KLHDC7B: variants seen among roughly 807,000 people sequenced by gnomAD.
KLHDC7B encodes the protein kelch domain-containing protein 7B.
Under a neutral mutation model 0.6 loss-of-function variants are expected in KLHDC7B, and 1 was observed. That is an observed-to-expected ratio of 1.71 (90% confidence interval 0.61 to 8.11). KLHDC7B has a LOEUF of 8.11. KLHDC7B is among the 30% of genes most tolerant of loss of function. KLHDC7B has a pLI of 0.13. For missense variants in KLHDC7B, 993 were observed against 894.9 expected, an observed-to-expected ratio of 1.11 and a Z score of -1.40; for synonymous variants, 462 against 405.2, an observed-to-expected ratio of 1.14 and a Z score of -1.68.
In KLHDC7B at chr22:50,550,203, A is replaced by T. The variant is rs1326247264; in HGVS notation, c.*252A>T. 2 of 460,070 alleles carry T rather than the reference A, an allele frequency of 4.3e-6. No homozygotes were observed. The highest frequency in any genetic ancestry group is 2.0e-5 in the African/African-American group (1 of 49,806). The allele number at this position is 460,070 out of a possible 1,614,324, so 28.5% of individuals were successfully genotyped here. A position where few individuals can be genotyped will look rare whatever the true frequency, so the allele number is the denominator to read the frequency against. ...TCCGTACCTACTTACAGACCCTCTC[A>T]GCTTGCTGACACCCCCCTGTCTGTG... On this transcript the variant is annotated 3_prime_UTR_variant, in exon 1 of 1. Transcript: ENST00000648057.
Position 50,547,436 on chromosome 22 carries a change from C to A in KLHDC7B, c.1193C>A (p.Ala398Glu). The A allele has an allele frequency of 5.4e-6, 2 of 372,076 alleles. No homozygotes were observed. The highest frequency in any genetic ancestry group is 9.2e-5 in the Admixed American group (2 of 21,736). 23.0% of individuals were successfully genotyped at this position (372,076 alleles called of 1,614,324 possible). Residue 398 changes from alanine to glutamate, a missense_variant, in exon 1 of 1, where the codon GCA becomes GAA. By Grantham distance (107) the Ala-to-Glu change is moderately radical. Coordinates refer to ENST00000648057, the MANE Select transcript of KLHDC7B (RefSeq NM_138433.5). ...GGGCCCACCCGGCCCCCGGAGCAAG[C>A]AAAGCCGGCTGCAGCCGGCCACAGC... ...DLGPTRPPEQ[A>E]KPAAAGHSRA...
rs1455025046 is a variant in KLHDC7B at position 50,546,524 on chromosome 22, G to C, written c.281G>C (p.Gly94Ala). Reference sequence around the variant, plus strand: ...AGCGAGGGGCAGAGCCCAGGGCAGGGGAAACCAGAGCCCCCAGGACGCGGC... The same window carrying C: ...AGCGAGGGGCAGAGCCCAGGGCAGGCGAAACCAGAGCCCCCAGGACGCGGC... ...DGSEGQSPGQ[G>A]KPEPPGRGQQ... is the part of the protein sequence containing the mutation. Residue 94 changes from glycine (G) to alanine (A), a missense_variant, in exon 1 of 1, where the codon GGG becomes GCG. Coordinates refer to ENST00000648057, the MANE Select transcript of KLHDC7B (RefSeq NM_138433.5). The C allele has an allele frequency of 5.0e-6, 2 of 399,022 alleles. No individual in the cohort carries two copies. The highest frequency in any genetic ancestry group is 8.8e-6 in the Non-Finnish European group (2 of 226,174). The allele number at this position is 399,022 out of a possible 1,614,324, so 24.7% of individuals were successfully genotyped here.
Position 50,549,081 on chromosome 22 carries a change from C to T in KLHDC7B, c.2838C>T (p.Gly946=), listed in dbSNP as rs1411138696. ...GRSGLPRGPR[G]EEPPAAAPVS... ...CAGGGCTCCCCAGGGGCCCTCGTGG[C>T]GAGGAGCCTCCTGCGGCGGCCCCTG... The change falls in exon 1 of 1, where the codon GGC becomes GGT. Residue 946 remains glycine (G), a synonymous_variant. Coordinates refer to ENST00000648057, the MANE Select transcript of KLHDC7B (RefSeq NM_138433.5). 3 of 1,600,212 alleles carry T rather than the reference C, an allele frequency of 1.9e-6. No homozygotes were observed. The highest frequency in any genetic ancestry group is 2.2e-5 in the East Asian group (1 of 44,850).
Position 50,548,744 on chromosome 22 carries a change from G to T in KLHDC7B, c.2501G>T (p.Gly834Val). 1 of 1,459,070 alleles carries T rather than the reference G, an allele frequency of 6.9e-7. No individual in the cohort carries two copies. The allele number at this position is 1,459,070 out of a possible 1,614,324, so 90.4% of individuals were successfully genotyped here. ...TTTCTGCAGAGGCCCGGGGGTTGGGGGGTGGTGGAGGGGCCCCGGAAGCCC... is the reference window on the plus strand; with the variant it reads ...TTTCTGCAGAGGCCCGGGGGTTGGGTGGTGGTGGAGGGGCCCCGGAAGCCC... The part of the protein sequence containing the change: ...MVFLQRPGGW[G>V]VVEGPRKPSS... Residue 834 changes from glycine (G) to valine (V), a missense_variant, in exon 1 of 1, where the codon GGG (glycine) becomes GTG (valine). Coordinates refer to ENST00000648057, the MANE Select transcript of KLHDC7B (RefSeq NM_138433.5). The surrounding 1 kb of genome is among the most constrained non-coding windows in gnomAD (Gnocchi z 5.3).
rs373901626 is a variant in KLHDC7B, at chr22:50,548,684, C to A, written c.2441C>A (p.Thr814Lys). The A allele has an allele frequency of 1.3e-6, 2 of 1,520,648 alleles. No homozygotes were observed. Among genetic ancestry groups the A allele is most frequent in the South Asian group, 2.5e-5 (2 of 80,742 alleles). 94.2% of individuals were successfully genotyped at this position (1,520,648 alleles called of 1,614,324 possible). A position where few individuals can be genotyped will look rare whatever the true frequency, so the allele number is the denominator to read the frequency against. ...CCTGCCGGCCGCAGCGGGGCGCTCA[C>A]GGAAAAGCAGGAGGAGGCCCGGAAG... ...GSPAGRSGAL[T>K]EKQEEARKLM... Residue 814 changes from threonine (T) to lysine (K), a missense_variant, in exon 1 of 1, where the codon ACG becomes AAG. Physicochemically the swap from Thr to Lys is moderately conservative, Grantham distance 78 (BLOSUM62 -1). Coordinates refer to ENST00000648057, the MANE Select transcript of KLHDC7B (RefSeq NM_138433.5). This position sits in a 1 kb window ranked among gnomAD's most constrained non-coding sequence, Gnocchi z 5.3.
In KLHDC7B at chr22:50,548,916, G is replaced by A. The variant is rs2069768412; in HGVS notation, c.2673G>A (p.Leu891=). Residue 891 remains leucine (L), a synonymous_variant, in exon 1 of 1, where the codon CTG becomes CTA. Coordinates refer to ENST00000648057, the MANE Select transcript of KLHDC7B (RefSeq NM_138433.5). The surrounding 1 kb of genome is among the most constrained non-coding windows in gnomAD (Gnocchi z 5.3). ...QETYALMSDN[L]LRVLGDPCLY... is the part of the protein sequence containing the mutation. ...CCTACGCGCTGATGAGCGACAACCT[G>A]CTGCGAGTGCTGGGAGACCCGTGCC... 6.3e-7 allele frequency: 1 copy of A among 1,594,142 alleles called. No homozygotes were observed. The highest frequency in any genetic ancestry group is 8.5e-7 in the Non-Finnish European group (1 of 1,171,752).
rs922395046 is a variant in KLHDC7B, at chr22:50,546,966, A to T, written c.723A>T (p.Arg241Ser). Among the ~76,000 whole-genome samples, 6 of 151,284 alleles carry T rather than the reference A, an allele frequency of 4.0e-5. No homozygotes were observed. Among genetic ancestry groups the T allele is most frequent in the Non-Finnish European group, 8.9e-5 (6 of 67,764 alleles). Residue 241 changes from arginine (R) to serine (S), a missense_variant, in exon 1 of 1, where the codon AGA becomes AGT. Arg to Ser is a moderately radical substitution (Grantham distance 110). Coordinates refer to ENST00000648057, the MANE Select transcript of KLHDC7B (RefSeq NM_138433.5). The stretch of plus-strand genomic sequence containing the variant: ...GGATGGACGCTGGCTCGGGAGACAG[A>T]GCCCGCCGCCCCCGGAAACTGGACC... The part of the protein sequence containing the change: ...RRRMDAGSGD[R>S]ARRPRKLDPL...
rs754424798 is a variant in KLHDC7B at position 50,548,613 on chromosome 22, C to T, written c.2370C>T (p.Ala790=). The T allele has an allele frequency of 1.0e-4, 155 of 1,542,978 alleles. No individual in the cohort carries two copies. The Middle Eastern group carries it at 2.7e-3, about 27-fold the overall frequency. The change falls in exon 1 of 1, where the codon GCC becomes GCT. Residue 790 remains alanine, a synonymous_variant. Coordinates refer to ENST00000648057, the MANE Select transcript of KLHDC7B (RefSeq NM_138433.5). The surrounding 1 kb of genome is among the most constrained non-coding windows in gnomAD (Gnocchi z 5.3). ...APSSEQEVRP[A]ASGDPQGEAP... ...GCTCGGAGCAGGAGGTCAGGCCGGC[C>T]GCCTCGGGGGACCCTCAAGGGGAGG...
chr22:50,547,581 G>A lies in KLHDC7B; in HGVS notation c.1338G>A (p.Leu446=). The A allele has an allele frequency of 2.5e-6, 1 of 400,304 alleles. No homozygotes were observed. 24.8% of individuals were successfully genotyped at this position (400,304 alleles called of 1,614,324 possible). The change falls in exon 1 of 1, where the codon CTG becomes CTA. Residue 446 remains leucine, a synonymous_variant. Coordinates refer to ENST00000648057, the MANE Select transcript of KLHDC7B (RefSeq NM_138433.5). Reference sequence around the variant, plus strand: ...CCTCTCCTTCAGACTTTTTGCCCCTGGAGGTTACCCAGGATCCTTCCGTGG... The same window carrying A: ...CCTCTCCTTCAGACTTTTTGCCCCTAGAGGTTACCCAGGATCCTTCCGTGG... ...TLPSPSDFLP[L]EVTQDPSVGE...
In KLHDC7B at chr22:50,546,929, G is replaced by A. The variant is rs1355360621; in HGVS notation, c.686G>A (p.Gly229Asp). Among the ~76,000 whole-genome samples the A allele has an allele frequency of 6.6e-6, 1 of 151,906 alleles. No homozygotes were observed. The highest frequency in any genetic ancestry group is 1.9e-4 in the East Asian group (1 of 5,174). Residue 229 changes from glycine to aspartate, a missense_variant, in exon 1 of 1, where the codon GGC (glycine) becomes GAC (aspartate). Coordinates refer to ENST00000648057, the MANE Select transcript of KLHDC7B (RefSeq NM_138433.5). ...GPSGSMGRGR[G>D]RRRRMDAGSG... ...TCGGGCTCGATGGGGAGAGGCCGGGGCCGGCGGCGGCGGATGGACGCTGGC... is the reference window on the plus strand; with the variant it reads ...TCGGGCTCGATGGGGAGAGGCCGGGACCGGCGGCGGCGGATGGACGCTGGC...
Position 50,548,319 on chromosome 22 carries a change from A to G in KLHDC7B, c.2076A>G (p.Thr692=), listed in dbSNP as rs907206196. 3 of 1,550,944 alleles carry G rather than the reference A, an allele frequency of 1.9e-6. No individual in the cohort carries two copies. In the African/African-American group the frequency reaches 4.1e-5, roughly 21 times the overall value. The part of the protein sequence containing the change: ...PSSSVGTVIG[T]GTGGLVEAGG... ...CTTCAGTGGGGACAGTCATAGGGAC[A>G]GGTACAGGGGGCCTGGTTGAGGCTG... Residue 692 remains threonine (T), a synonymous_variant, in exon 1 of 1, where the codon ACA becomes ACG. Coordinates refer to ENST00000648057, the MANE Select transcript of KLHDC7B (RefSeq NM_138433.5). This position sits in a 1 kb window ranked among gnomAD's most constrained non-coding sequence, Gnocchi z 5.3.
Position 50,548,497 on chromosome 22 carries a change from A to C in KLHDC7B, c.2254A>C (p.Arg752=), listed in dbSNP as rs1423422670. The change falls in exon 1 of 1, where the codon AGG becomes CGG. Residue 752 remains arginine (R), a synonymous_variant. Transcript: ENST00000648057. This position sits in a 1 kb window ranked among gnomAD's most constrained non-coding sequence, Gnocchi z 5.3. ...GGGCCCCGCACAGCCCCCCGCGCAG[A>C]GGCCGCCTGGCCCCGCGGCCTCCTC... ...PRGPAQPPAQ[R]PPGPAASSSA... 9 of 1,561,750 alleles carry C rather than the reference A, an allele frequency of 5.8e-6. No individual in the cohort carries two copies. The highest frequency in any genetic ancestry group is 7.8e-6 in the Non-Finnish European group (9 of 1,152,956).
chr22:50,547,067 G>T lies in KLHDC7B; in HGVS notation c.824G>T (p.Gly275Val), dbSNP rs535273699. The change falls in exon 1 of 1, where the codon GGC (glycine) becomes GTC (valine). Residue 275 changes from glycine to valine, a missense_variant. Coordinates refer to ENST00000648057, the MANE Select transcript of KLHDC7B (RefSeq NM_138433.5). Reference sequence around the variant, plus strand: ...GCCGCCCTGGACGCCCACGCGCGCGGCCTCCCCACAGGACCCCCACTCGCC... The same window carrying T: ...GCCGCCCTGGACGCCCACGCGCGCGTCCTCCCCACAGGACCCCCACTCGCC... ...GAAALDAHAR[G>V]LPTGPPLAQE... Among the ~76,000 whole-genome samples, 173 of 151,056 alleles carry T rather than the reference G, an allele frequency of 1.1e-3. 4 individuals carry two copies. The South Asian group carries it at 0.029, about 25-fold the overall frequency.
In KLHDC7B at chr22:50,547,469, C is replaced by G; in HGVS notation, c.1226C>G (p.Pro409Arg). The G allele has an allele frequency of 2.6e-6, 1 of 385,858 alleles. No individual in the cohort carries two copies. Among genetic ancestry groups the G allele is most frequent in the Middle Eastern group, 6.6e-4 (1 of 1,516 alleles). The allele number at this position is 385,858 out of a possible 1,614,324, so 23.9% of individuals were successfully genotyped here. A position where few individuals can be genotyped will look rare whatever the true frequency, so the allele number is the denominator to read the frequency against. The change falls in exon 1 of 1, where the codon CCC (proline) becomes CGC (arginine). Residue 409 changes from proline (P) to arginine (R), a missense_variant. Coordinates refer to ENST00000648057, the MANE Select transcript of KLHDC7B (RefSeq NM_138433.5). ...KPAAAGHSRA[P>R]SRSREPRPRS... is the part of the protein sequence containing the mutation. The stretch of plus-strand genomic sequence containing the variant: ...GCTGCAGCCGGCCACAGCCGCGCGC[C>G]CTCCCGGAGCCGTGAGCCTCGCCCG...
In KLHDC7B at chr22:50,548,445, C is replaced by G. The variant is rs373059751; in HGVS notation, c.2202C>G (p.Asp734Glu). The G allele has an allele frequency of 8.5e-5, 134 of 1,579,520 alleles. 1 individual carries two copies. The African/African-American group carries it at 1.3e-3, about 15-fold the overall frequency. ...RGEGTREKSL[D>E]PLPQAAMPRG... ...AGGGAACCAGGGAGAAAAGTCTAGA[C>G]CCGCTGCCCCAAGCCGCGATGCCCA... is the stretch of plus-strand genomic sequence containing the variant. Residue 734 changes from aspartate to glutamate, a missense_variant, in exon 1 of 1, where the codon GAC (aspartate) becomes GAG (glutamate). Asp to Glu is a conservative substitution (Grantham distance 45). Coordinates refer to ENST00000648057, the MANE Select transcript of KLHDC7B (RefSeq NM_138433.5). The surrounding 1 kb of genome is among the most constrained non-coding windows in gnomAD (Gnocchi z 5.3).
chr22:50,548,934 C>G lies in KLHDC7B; in HGVS notation c.2691C>G (p.Asp897Glu). 1 of 1,597,720 alleles carries G rather than the reference C, an allele frequency of 6.3e-7. No individual in the cohort carries two copies. Among genetic ancestry groups the G allele is most frequent in the Non-Finnish European group, 8.5e-7 (1 of 1,173,630 alleles). The stretch of plus-strand genomic sequence containing the variant: ...ACAACCTGCTGCGAGTGCTGGGAGA[C>G]CCGTGCCTCTACCGCCGGCTGAGCG... Reference protein sequence around the residue: ...MSDNLLRVLGDPCLYRRLSAA... With the variant: ...MSDNLLRVLGEPCLYRRLSAA... The change falls in exon 1 of 1, where the codon GAC becomes GAG. Residue 897 changes from aspartate (D) to glutamate (E), a missense_variant. Asp to Glu is a conservative substitution (Grantham distance 45). Transcript: ENST00000648057. The surrounding 1 kb of genome is among the most constrained non-coding windows in gnomAD (Gnocchi z 5.3).
rs1195468049 is a variant in KLHDC7B, at chr22:50,549,959, G to A, written c.*8G>A. On this transcript the variant is annotated 3_prime_UTR_variant, in exon 1 of 1. Coordinates refer to ENST00000648057, the MANE Select transcript of KLHDC7B (RefSeq NM_138433.5). ...CTGCAGACCTCACTCTGAGTGGCAG[G>A]CAGAGAACCAAAGCTGCTTCGCTGC... is the stretch of plus-strand genomic sequence containing the variant. 7 of 1,535,120 alleles carry A rather than the reference G, an allele frequency of 4.6e-6. No homozygotes were observed. The African/African-American group carries it at 6.8e-5, about 15-fold the overall frequency.
Position 50,550,195 on chromosome 22 carries a change from A to C in KLHDC7B, c.*244A>C. 2 of 464,272 alleles carry C rather than the reference A, an allele frequency of 4.3e-6. No individual in the cohort carries two copies. Among genetic ancestry groups the C allele is most frequent in the Non-Finnish European group, 7.8e-6 (2 of 255,314 alleles). 28.8% of individuals were successfully genotyped at this position (464,272 alleles called of 1,614,324 possible). On this transcript the variant is annotated 3_prime_UTR_variant, in exon 1 of 1. Coordinates refer to ENST00000648057, the MANE Select transcript of KLHDC7B (RefSeq NM_138433.5). ...GACTCAATTCCGTACCTACTTACAGACCCTCTCAGCTTGCTGACACCCCCC... is the reference window on the plus strand; with the variant it reads ...GACTCAATTCCGTACCTACTTACAGCCCCTCTCAGCTTGCTGACACCCCCC...
chr22:50,549,540 C>T lies in KLHDC7B; in HGVS notation c.3297C>T (p.His1099=), dbSNP rs2069780178. 2 of 1,603,528 alleles carry T rather than the reference C, an allele frequency of 1.2e-6. No homozygotes were observed. Among genetic ancestry groups the T allele is most frequent in the Non-Finnish European group, 1.7e-6 (2 of 1,173,906 alleles). ...CRGDIYVTGG[H]LFYRLLRYSP... is the part of the protein sequence containing the mutation. ...GGGACATCTACGTCACCGGGGGTCA[C>T]CTCTTCTACCGCCTGCTCAGGTACA... The change falls in exon 1 of 1, where the codon CAC becomes CAT. Residue 1099 remains histidine (H), a synonymous_variant. Coordinates refer to ENST00000648057, the MANE Select transcript of KLHDC7B (RefSeq NM_138433.5).
Sources: gnomAD v4.1 joint callset for allele counts (sites outside exome capture counted in the v4.1 genomes callset) on GRCh38, gnomAD v4.1.1 for gene constraint, Gnocchi (gnomAD v3.1) non-coding constraint, MANE v1.5 for transcripts, NCBI Gene and HGNC (gene_info 2026-07-23, HGNC 2026-07-21) for gene names.